INSL6: variants seen among roughly 807,000 people sequenced by gnomAD.
INSL6 encodes the protein insulin-like peptide INSL6.
In INSL6, 16 loss-of-function variants were observed where a neutral mutation model predicts 9.4. That is an observed-to-expected ratio of 1.70 (90% CI 1.15 to 2.59). INSL6 has a LOEUF of 2.59. Ranked by LOEUF, INSL6 falls within the 30% of genes most tolerant of loss-of-function variation. The pLI, the probability that INSL6 is intolerant of heterozygous loss-of-function variation, is 0.00. For missense variants in INSL6, 391 were observed against 257.3 expected (o/e 1.52, Z -3.56); for synonymous variants, 154 against 96.9 (o/e 1.59, Z -3.46).
chr9:5,095,295 C>G, the INSL6 span, among the ~76,000 whole-genome samples: 1 of 151,848 alleles, frequency 6.6e-6, no homozygotes, highest in Non-Finnish European at 1.5e-5. Context: ...CAATGCTACG[C>G]TCACACTGAT....
intron 2 of INSL6, among the ~76,000 whole-genome samples, chr9:5,143,591 A>C (rs1298257176): frequency 6.6e-6 from 1 of 151,038 alleles, no homozygotes; most frequent in African/African-American, 2.4e-5. Flanking sequence ...CTTCTTTTTT[A>C]GTCTAGCTAC....
chr9:5,162,680 T>G (rs896196616), downstream of INSL6, among the ~76,000 whole-genome samples: 1 of 152,218 alleles, frequency 6.6e-6, no homozygotes, highest in African/African-American at 2.4e-5. Context: ...GATAACTGAA[T>G]GCAGACTGTA....
the INSL6 span, chr9:5,114,600 C>G: frequency 4.1e-6 from 2 of 490,290 alleles, no homozygotes; most frequent in Non-Finnish European, 8.0e-6. Flanking sequence ...GGTGCAGTGG[C>G]TGTACAACGA....
At chr9:5,060,663 G>C in the INSL6 span, among the ~76,000 whole-genome samples, 3 of 152,218 alleles carry the variant, frequency 2.0e-5, no homozygotes, top group South Asian at 6.2e-4. Context: ...TTCCTCCATT[G>C]AAGTCGTGAA....
At chr9:5,005,651 G>A in the INSL6 span, among the ~76,000 whole-genome samples, 3 of 151,914 alleles carry the variant, frequency 2.0e-5, no homozygotes, top group African/African-American at 7.3e-5. Context: ...ACATATTTTG[G>A]TATCATGTTT....
At chr9:5,147,976 T>A (rs1824634824) in intron 2 of INSL6, among the ~76,000 whole-genome samples, 1 of 152,208 alleles carries the variant, frequency 6.6e-6, no homozygotes, top group Admixed American at 6.5e-5. Flanking sequence ...CCTTGGATTT[T>A]CAATTTTCTC....
chr9:5,099,155 G>T, the INSL6 span: 1 of 152,022 alleles, frequency 6.6e-6, no homozygotes, highest in Admixed American at 6.6e-5. Flanking sequence ...CCCTTATTAG[G>T]CCTCAAAACA....
intron 1 of INSL6, among the ~76,000 whole-genome samples, chr9:5,172,786 G>C (rs920153285): frequency 6.6e-6 from 1 of 152,036 alleles, no homozygotes. Flanking sequence ...AAATTAGCTG[G>C]GCGTGGTGGT....
intron 1 of INSL6, among the ~76,000 whole-genome samples, chr9:5,165,404 T>G (rs759206562): frequency 6.6e-6 from 1 of 152,164 alleles, no homozygotes; most frequent in African/African-American, 2.4e-5. Context: ...ATCGGTACAG[T>G]AGAGTTCCAA....
At chr9:5,136,348 A>G (rs949799495) in intron 2 of INSL6, among the ~76,000 whole-genome samples, 1 of 152,160 alleles carries the variant, frequency 6.6e-6, no homozygotes, top group African/African-American at 2.4e-5. Flanking sequence ...TATCCCTGAT[A>G]AACACTGATG....
chr9:5,043,578 T>C, the INSL6 span, among the ~76,000 whole-genome samples: 1 of 152,196 alleles, frequency 6.6e-6, no homozygotes, highest in Non-Finnish European at 1.5e-5. Flanking sequence ...ACCATATGAC[T>C]CAGCAATTCT....
At chr9:5,140,242 A>G (rs1239309793) in intron 2 of INSL6, among the ~76,000 whole-genome samples, 2 of 152,182 alleles carry the variant, frequency 1.3e-5, no homozygotes, top group Admixed American at 1.3e-4. Flanking sequence ...AAAGCCATAT[A>G]TAAGAACATT....
At chr9:5,041,291 C>G in the INSL6 span, 3 of 960,342 alleles carry the variant, frequency 3.1e-6, no homozygotes, top group Non-Finnish European at 4.9e-6. Context: ...GTACACTGGT[C>G]TCAGGACCAA....
chr9:5,042,124 CTTTTTTTT>C, the INSL6 span, among the ~76,000 whole-genome samples: 14 of 107,614 alleles, frequency 1.3e-4, no homozygotes, highest in South Asian at 6.0e-4. Context: ...GCCAAAATTT[CTTTTTTTT>C]TTTTTTTTTT....
At chr9:5,061,510 A>C in the INSL6 span, among the ~76,000 whole-genome samples, 2 of 152,228 alleles carry the variant, frequency 1.3e-5, no homozygotes, top group East Asian at 3.9e-4. Flanking sequence ...TCATGAACCA[A>C]CCTCTGCTAG....
intron 2 of INSL6, among the ~76,000 whole-genome samples, chr9:5,152,089 A>G (rs1824724054): frequency 6.6e-6 from 1 of 152,208 alleles, no homozygotes. Context: ...GAACGAATGC[A>G]TGAAAAAAAT....
At chr9:5,047,246 A>G in the INSL6 span, among the ~76,000 whole-genome samples, 7 of 152,242 alleles carry the variant, frequency 4.6e-5, no homozygotes, top group Non-Finnish European at 1.5e-5. Context: ...GACCAGTGGC[A>G]TTACCAGAGT....
At chr9:5,016,829 G>A in the INSL6 span, among the ~76,000 whole-genome samples, 1 of 152,180 alleles carries the variant, frequency 6.6e-6, no homozygotes, top group African/African-American at 2.4e-5. Context: ...GGATATGGAA[G>A]TGAGCTTGAG....
chr9:5,134,568 A>G (rs1274927602), intron 2 of INSL6, among the ~76,000 whole-genome samples: 1 of 152,176 alleles, frequency 6.6e-6, no homozygotes, highest in East Asian at 1.9e-4. Context: ...TCAACCCAGT[A>G]TCTCATATCC....
Sources: allele counts gnomAD v4.1 joint callset (sites outside exome capture counted in the v4.1 genomes callset), GRCh38; gene constraint gnomAD v4.1.1; transcripts MANE v1.5; gene names NCBI Gene and HGNC (gene_info 2026-07-23, HGNC 2026-07-21).